IQANK1: variants seen among roughly 807,000 people sequenced by gnomAD.
IQANK1 encodes IQ motif and ankyrin repeat domain-containing protein 1.
In IQANK1, 30 loss-of-function variants were observed where a neutral mutation model predicts 22.6. The observed-to-expected ratio is 1.33, with a 90% CI of 0.99 to 1.80. IQANK1 has a LOEUF of 1.80. Ranked by LOEUF, IQANK1 falls within the 40% of genes most tolerant of loss-of-function variation. The pLI, the probability that IQANK1 is intolerant of heterozygous loss-of-function variation, is 0.00. For synonymous variants in IQANK1, 122 were observed against 99.6 expected (o/e 1.23, Z -1.34); for missense variants, 275 against 235.2 (o/e 1.17, Z -1.11).
intron 3 of IQANK1, chr8:143,742,698 T>A (rs1175093672): frequency 2.2e-5 from 10 of 455,666 alleles, no homozygotes; most frequent in Non-Finnish European, 4.0e-5. Context: ...TGCGGGAAGC[T>A]CCAAAGGGGG....
chr8:143,762,230 AC>A (rs1428394471), intron 3 of IQANK1, among the ~76,000 whole-genome samples: 1 of 151,638 alleles, frequency 6.6e-6, no homozygotes, highest in Non-Finnish European at 1.5e-5. Context: ...AATCGCTTGA[AC>A]CCAGAAGGCA....
chr8:143,787,087 C>A (rs1554631439), intron 7 of IQANK1, among the ~76,000 whole-genome samples: 3 of 152,194 alleles, frequency 2.0e-5, no homozygotes, highest in African/African-American at 7.2e-5. Flanking sequence ...CAGAGGGCAG[C>A]CCAGCCTGAA....
At chr8:143,761,094 A>G (rs1440197651) in intron 3 of IQANK1, among the ~76,000 whole-genome samples, 1 of 152,222 alleles carries the variant, frequency 6.6e-6, no homozygotes, top group Non-Finnish European at 1.5e-5. Context: ...CGGGAGCAGC[A>G]GAGCGCGGAG....
At chr8:143,787,440 C>T (rs1158908966) in intron 7 of IQANK1, among the ~76,000 whole-genome samples, 2 of 152,060 alleles carry the variant, frequency 1.3e-5, no homozygotes, top group Non-Finnish European at 2.9e-5. Context: ...TCCATCTCTG[C>T]CCCCTGCATC....
intron 3 of IQANK1, among the ~76,000 whole-genome samples, chr8:143,764,238 C>T (rs1173975781): frequency 1.3e-5 from 2 of 152,098 alleles, no homozygotes; most frequent in Non-Finnish European, 2.9e-5. Flanking sequence ...ACTCATACAA[C>T]CTGTAAGCAA....
chr8:143,790,284 G>A lies in IQANK1; in HGVS notation c.1424+13G>A. The stretch of plus-strand genomic sequence containing the variant: ...TGGGGGCTCTGCGGTGAGGCAGGCA[G>A]GGTGACAGGTACACCCCACCCCACC... On this transcript the variant is annotated intron_variant, in intron 13 of 13. Transcript: ENST00000527139. 8.1e-7 allele frequency: 1 copy of A among 1,232,158 alleles called. No homozygotes were observed. 76.3% of individuals were successfully genotyped at this position (1,232,158 alleles called of 1,614,324 possible). A position where few individuals can be genotyped will look rare whatever the true frequency, so the allele number is the denominator to read the frequency against.
At chr8:143,742,835 C>T (rs2129788217) in intron 3 of IQANK1, 1 of 456,132 alleles carries the variant, frequency 2.2e-6, no homozygotes, top group South Asian at 1.5e-5. Flanking sequence ...GGGATGGTCC[C>T]AAACATGGCC....
At chr8:143,751,628 GTGTGTGTGT>G (rs1819190500) in intron 3 of IQANK1, among the ~76,000 whole-genome samples, 1 of 30,688 alleles carries the variant, frequency 3.3e-5, no homozygotes, top group African/African-American at 1.1e-4. Flanking sequence ...AAAAAAAAGT[GTGTGTGTGT>G]GTGTGTGTGT....
At chr8:143,776,101 T>C (rs189923431) in intron 7 of IQANK1, among the ~76,000 whole-genome samples, 3,768 of 148,174 alleles carry the variant, frequency 0.025, 191 homozygotes, top group African/African-American at 0.089. Context: ...GCGGGCAGAT[T>C]ACGGGGTCAG....
At chr8:143,736,183 C>A (rs1818734228) in intron 2 of IQANK1, among the ~76,000 whole-genome samples, 1 of 151,476 alleles carries the variant, frequency 6.6e-6, no homozygotes, top group Non-Finnish European at 1.5e-5. Flanking sequence ...CTCTTGTCAC[C>A]CAGTCGAGTG....
Position 143,772,223 on chromosome 8 carries a change from G to A in IQANK1, c.643G>A (p.Gly215Ser). 2.5e-6 allele frequency: 1 copy of A among 395,324 alleles called. No individual in the cohort carries two copies. Among genetic ancestry groups the A allele is most frequent in the South Asian group, 1.3e-4 (1 of 7,836 alleles). The allele number at this position is 395,324 out of a possible 1,614,324, so 24.5% of individuals were successfully genotyped here. Residue 215 changes from glycine (G) to serine (S), a missense_variant, in exon 6 of 14, where the codon GGC (glycine) becomes AGC (serine). Gly to Ser is a moderately conservative substitution (Grantham distance 56). Transcript: ENST00000527139. ...GGCCATCCAGCTGCGGGCCGAGCTC[G>A]GCGCCAGCCCCAACAGCAAGGTGGG... ...PLAIQLRAEL[G>S]ASPNSKGAFG... is the part of the protein sequence containing the mutation.
At chr8:143,738,137 G>A (rs956116578) in intron 2 of IQANK1, among the ~76,000 whole-genome samples, 5 of 152,118 alleles carry the variant, frequency 3.3e-5, no homozygotes, top group Admixed American at 6.5e-5. Flanking sequence ...GGTGGGGGGC[G>A]GGGGCTCGAC....
At chr8:143,748,845 A>ATAAATATATATTTCATATATAAATATG (rs1554627620) in intron 3 of IQANK1, among the ~76,000 whole-genome samples, 10 of 110,094 alleles carry the variant, frequency 9.1e-5, no homozygotes, top group Non-Finnish European at 1.4e-4. Context: ...ATATAAATAT[A>ATAAATATATATTTCATATATAAATATG]TAAATATATA....
intron 7 of IQANK1, among the ~76,000 whole-genome samples, chr8:143,772,992 G>C (rs1164043615): frequency 2.0e-5 from 3 of 152,208 alleles, no homozygotes; most frequent in African/African-American, 7.2e-5. Context: ...TAGAGCCTTT[G>C]AGCTATGTTA....
intron 3 of IQANK1, chr8:143,744,147 T>C (rs1370081121): frequency 2.6e-5 from 5 of 193,640 alleles, no homozygotes; most frequent in Non-Finnish European, 4.3e-5. Context: ...TCCACTTTCA[T>C]GGACCCTCGT....
intron 3 of IQANK1, among the ~76,000 whole-genome samples, chr8:143,757,453 C>T (rs929481957): frequency 3.3e-5 from 5 of 151,818 alleles, no homozygotes; most frequent in African/African-American, 4.8e-5. Context: ...TCTTCTGCCT[C>T]AGCCTCCCAA....
intron 3 of IQANK1, among the ~76,000 whole-genome samples, chr8:143,763,375 A>C (rs1378458778): frequency 6.6e-6 from 1 of 152,154 alleles, no homozygotes; most frequent in Non-Finnish European, 1.5e-5. Flanking sequence ...TTGAATGCTT[A>C]TTGTGTGTGA....
rs1554625474 is a variant in IQANK1, at chr8:143,735,155, T to C, written c.-4-695T>C. Among the ~76,000 whole-genome samples the C allele has an allele frequency of 6.6e-6, 1 of 152,110 alleles. No individual in the cohort carries two copies. The highest frequency in any genetic ancestry group is 1.5e-5 in the Non-Finnish European group (1 of 68,002). ...TGCCACCCCACTGGTACCAGCATGC[T>C]GGAAACATGGGTGGGGGGTCAGACC... On this transcript the variant is annotated intron_variant, in intron 1 of 13. Coordinates refer to ENST00000527139, the MANE Select transcript of IQANK1 (RefSeq NM_001381874.1). The surrounding 1 kb of genome is among the most constrained non-coding windows in gnomAD (Gnocchi z 5.2).
intron 7 of IQANK1, among the ~76,000 whole-genome samples, chr8:143,779,046 T>A (rs1427044476): frequency 6.6e-6 from 1 of 152,118 alleles, no homozygotes; most frequent in East Asian, 1.9e-4. Flanking sequence ...GGATTACAGG[T>A]GTGAGCCACC....
Sources: gnomAD v4.1 joint callset for allele counts (sites outside exome capture counted in the v4.1 genomes callset) on GRCh38, gnomAD v4.1.1 for gene constraint, Gnocchi (gnomAD v3.1) non-coding constraint, MANE v1.5 for transcripts, NCBI Gene and HGNC (gene_info 2026-07-23, HGNC 2026-07-21) for gene names.